The following CARMIL1 variants were observed in gnomAD, a reference collection of about 807,000 sequenced individuals.
The protein encoded by CARMIL1 is F-actin-uncapping protein LRRC16A.
CARMIL1 carries 90 observed loss-of-function variants against 177.1 expected under a neutral mutation model. The observed-to-expected ratio is 0.51, with a 90% confidence interval of 0.43 to 0.61. The LOEUF is 0.61. Ranked by LOEUF, CARMIL1 falls within the 20% of genes least tolerant of loss-of-function variation. The pLI, the probability that CARMIL1 is intolerant of heterozygous loss-of-function variation, is 0.00. For synonymous variants in CARMIL1, 577 were observed against 606.2 expected, an observed-to-expected ratio of 0.95 and a Z score of 0.71; for missense variants, 1,380 against 1,667.0, an observed-to-expected ratio of 0.83 and a Z score of 3.00.
At chr6:25,303,534 C>G (rs1046867709) in intron 2 of CARMIL1, among the ~76,000 whole-genome samples, 1 of 152,190 alleles carries the variant, frequency 6.6e-6, no homozygotes, top group Non-Finnish European at 1.5e-5. Context: ...GTTCTTAGAA[C>G]CTTTGGTATT....
intron 2 of CARMIL1, among the ~76,000 whole-genome samples, chr6:25,368,534 A>T (rs1790071920): frequency 6.6e-6 from 1 of 152,206 alleles, no homozygotes; most frequent in Admixed American, 6.5e-5. Flanking sequence ...AACCAAAGAC[A>T]TACATTCAAT....
intron 31 of CARMIL1, 71 bp downstream of exon 31, chr6:25,581,510 T>C: frequency 7.3e-7 from 1 of 1,375,278 alleles, no homozygotes; most frequent in South Asian, 1.4e-5. Flanking sequence ...TGGAGGGTCT[T>C]GCTAAAGTGC....
chr6:25,343,513 A>G (rs77509878), intron 2 of CARMIL1, among the ~76,000 whole-genome samples: 8,078 of 151,682 alleles, frequency 0.053, 289 homozygotes, highest in Non-Finnish European at 0.089. Flanking sequence ...ACCAATCTCT[A>G]CTTGACCCTC....
At chr6:25,615,775 A>G (rs1816843162) in intron 36 of CARMIL1, among the ~76,000 whole-genome samples, 2 of 152,230 alleles carry the variant, frequency 1.3e-5, no homozygotes, top group South Asian at 4.1e-4. Context: ...CAACTACTGA[A>G]TACTATTTTA....
At chr6:25,408,029 G>GCC (rs1463616151) in intron 2 of CARMIL1, among the ~76,000 whole-genome samples, 1 of 152,110 alleles carries the variant, frequency 6.6e-6, no homozygotes, top group Non-Finnish European at 1.5e-5. Flanking sequence ...GTGTGGTGGT[G>GCC]CATGACTATA....
chr6:25,394,315 G>A (rs2182933), intron 2 of CARMIL1, among the ~76,000 whole-genome samples: 20,769 of 152,152 alleles, frequency 0.14, 1,642 homozygotes, highest in East Asian at 0.32. Flanking sequence ...TTCTAACAAC[G>A]CTAGAAGACA....
At chr6:25,310,881 G>GA (rs1314894199) in intron 2 of CARMIL1, among the ~76,000 whole-genome samples, 4 of 152,182 alleles carry the variant, frequency 2.6e-5, no homozygotes, top group Admixed American at 6.5e-5. Context: ...ATCTGGCAGA[G>GA]AAGATGTACA....
intron 8 of CARMIL1, among the ~76,000 whole-genome samples, chr6:25,459,325 T>C (rs1305698719): frequency 1.4e-5 from 2 of 146,800 alleles, no homozygotes; most frequent in Non-Finnish European, 1.5e-5. Context: ...CTCCTGGGCT[T>C]AGTTGATCCT....
rs554910889 is a variant in CARMIL1 at position 25,363,392 on chromosome 6, G to A, written c.139-56722G>A. Among the ~76,000 whole-genome samples the A allele has an allele frequency of 8.9e-4, 102 of 114,424 alleles. No individual in the cohort carries two copies. The South Asian group carries it at 0.017, about 19-fold the overall frequency. The allele number at this position is 114,424 out of a possible 152,430, so 75.1% of individuals were successfully genotyped here. ...TGTGACAAAGGCTGTTCTACACCAC[G>A]GAAGATTTTTTTCCTCTCTCTCTTT... On this transcript the variant is annotated intron_variant, in intron 2 of 36. Transcript: ENST00000329474.
intron 17 of CARMIL1, among the ~76,000 whole-genome samples, chr6:25,503,410 C>T (rs1452665208): frequency 1.3e-5 from 2 of 152,178 alleles, no homozygotes; most frequent in Admixed American, 6.5e-5. Context: ...TAGATGTCCA[C>T]ATTTAAGTAG....
intron 2 of CARMIL1, among the ~76,000 whole-genome samples, chr6:25,418,294 G>A (rs1480472189): frequency 2.0e-5 from 3 of 152,126 alleles, no homozygotes; most frequent in African/African-American, 7.2e-5. Context: ...TGTGAATTCT[G>A]TTTCTCCCCT....
chr6:25,336,603 A>G (rs1199873978), intron 2 of CARMIL1, among the ~76,000 whole-genome samples: 1 of 152,186 alleles, frequency 6.6e-6, no homozygotes, highest in Non-Finnish European at 1.5e-5. Flanking sequence ...ATCATTCATG[A>G]AAGTGCACAT....
At chr6:25,413,945 A>G (rs72831238) in intron 2 of CARMIL1, among the ~76,000 whole-genome samples, 7,897 of 152,300 alleles carry the variant, frequency 0.052, 289 homozygotes, top group South Asian at 0.12. Context: ...GACAAAAACA[A>G]TTATTAAAAA....
intron 2 of CARMIL1, among the ~76,000 whole-genome samples, chr6:25,325,050 G>A (rs1367725175): frequency 6.6e-6 from 1 of 152,080 alleles, no homozygotes; most frequent in Non-Finnish European, 1.5e-5. Context: ...TTTCCTATGT[G>A]GCAACATTAG....
At chr6:25,368,119 A>G (rs1790033070) in intron 2 of CARMIL1, among the ~76,000 whole-genome samples, 2 of 152,218 alleles carry the variant, frequency 1.3e-5, no homozygotes, top group Admixed American at 1.3e-4. Flanking sequence ...CAACTCTGAG[A>G]GAAATTCAGA....
chr6:25,508,350 C>T (rs1259865521), intron 17 of CARMIL1, among the ~76,000 whole-genome samples: 2 of 152,146 alleles, frequency 1.3e-5, no homozygotes, highest in Non-Finnish European at 2.9e-5. Context: ...GAGAGGTCTG[C>T]CTCTGTGTAA....
At chr6:25,482,472 T>C (rs1802214116) in intron 12 of CARMIL1, 129 bp downstream of exon 12, 1 of 501,628 alleles carries the variant, frequency 2.0e-6, no homozygotes, top group Non-Finnish European at 3.4e-6. Flanking sequence ...TGTATTATAT[T>C]ACTCTGGCAG....
intron 2 of CARMIL1, among the ~76,000 whole-genome samples, chr6:25,327,926 G>A (rs879907572): frequency 1.4e-4 from 21 of 152,170 alleles, no homozygotes; most frequent in African/African-American, 1.9e-4. Flanking sequence ...TACTTTTAGC[G>A]TTTTGGGTCA....
chr6:25,510,620 A>AT lies in CARMIL1; in HGVS notation c.1577+21dup, dbSNP rs1212631355. 3 of 1,526,908 alleles carry AT rather than the reference A, an allele frequency of 2.0e-6. No individual in the cohort carries two copies. The highest frequency in any genetic ancestry group is 1.2e-5 in the South Asian group (1 of 82,642). The allele number at this position is 1,526,908 out of a possible 1,614,324, so 94.6% of individuals were successfully genotyped here. On this transcript the variant is annotated intron_variant, in intron 19 of 36. Coordinates refer to ENST00000329474, the MANE Select transcript of CARMIL1 (RefSeq NM_017640.6). ...TATGAAATCCAAGTAAGAGTTTTGA[A>AT]TTTTTTTATATGACAATGATGAAAA...
Sources: gnomAD v4.1 joint callset for allele counts (sites outside exome capture counted in the v4.1 genomes callset) on GRCh38, gnomAD v4.1.1 for gene constraint, MANE v1.5 for transcripts, NCBI Gene and HGNC (gene_info 2026-07-23, HGNC 2026-07-21) for gene names.